The following PPM1H variants were observed in gnomAD, a reference collection of about 807,000 sequenced individuals.
PPM1H encodes protein phosphatase, Mg2+/Mn2+ dependent 1H.
A neutral mutation model predicts 54.9 loss-of-function variants in PPM1H; 27 were observed. That is an observed-to-expected ratio of 0.49 (90% CI 0.36 to 0.68). The LOEUF (loss-of-function observed/expected upper bound fraction) is 0.68. Among genes scored for constraint, PPM1H ranks in the 30% least tolerant of loss-of-function variants. The probability of loss-of-function intolerance (pLI) is 0.00; values close to 1 mark genes in which losing one functional copy is unlikely to be tolerated. For synonymous variants in PPM1H, 305 were observed against 270.8 expected, an observed-to-expected ratio of 1.13 and a Z score of -1.24; for missense variants, 596 against 667.8, an observed-to-expected ratio of 0.89 and a Z score of 1.19.
At chr12:62,818,880 G>C (rs1300069775) in intron 2 of PPM1H, among the ~76,000 whole-genome samples, 1 of 149,844 alleles carries the variant, frequency 6.7e-6, no homozygotes, top group Non-Finnish European at 1.5e-5. Flanking sequence ...GAGTGCAGTG[G>C]TGTGATCTTG....
intron 1 of PPM1H, among the ~76,000 whole-genome samples, chr12:62,923,083 GC>G (rs5798666): frequency 0.47 from 71,941 of 151,990 alleles, 17,733 homozygotes; most frequent in Admixed American, 0.57. Context: ...GTCTGAGGTG[GC>G]CCCTTCCATG....
At chr12:62,689,929 C>T (rs1197044269) in intron 7 of PPM1H, 123 bp from the exon 8 acceptor site, 5 of 603,822 alleles carry the variant, frequency 8.3e-6, no homozygotes, top group African/African-American at 7.4e-5. Flanking sequence ...AGATATGTTT[C>T]CAGGCCCCTT....
At chr12:62,931,916 T>C (rs1872147834) in intron 1 of PPM1H, among the ~76,000 whole-genome samples, 1 of 152,138 alleles carries the variant, frequency 6.6e-6, no homozygotes, top group African/African-American at 2.4e-5. Flanking sequence ...TTTGTGAAAA[T>C]GCTACAGAAT....
At chr12:62,754,079 A>G (rs1031798853) in intron 4 of PPM1H, among the ~76,000 whole-genome samples, 3 of 152,198 alleles carry the variant, frequency 2.0e-5, no homozygotes, top group African/African-American at 4.8e-5. Flanking sequence ...TCTGACTTCA[A>G]TGGATTATAT....
At chr12:62,676,133 C>A (rs1565752932) in intron 8 of PPM1H, among the ~76,000 whole-genome samples, 1 of 152,190 alleles carries the variant, frequency 6.6e-6, no homozygotes, top group Non-Finnish European at 1.5e-5. Context: ...TCACTCCAGG[C>A]CGTGGACTCC....
At chr12:62,821,875 A>G (rs999038786) in intron 2 of PPM1H, among the ~76,000 whole-genome samples, 2 of 152,214 alleles carry the variant, frequency 1.3e-5, no homozygotes, top group Admixed American at 1.3e-4. Context: ...ATAACCAGCT[A>G]ACATCCTAAT....
intron 4 of PPM1H, among the ~76,000 whole-genome samples, chr12:62,771,912 A>T (rs891954607): frequency 6.6e-6 from 1 of 152,174 alleles, no homozygotes; most frequent in Non-Finnish European, 1.5e-5. Flanking sequence ...ACACAGTAGG[A>T]ATGCAAATAT....
At chr12:62,686,789 C>T (rs1474536654) in intron 8 of PPM1H, among the ~76,000 whole-genome samples, 1 of 152,156 alleles carries the variant, frequency 6.6e-6, no homozygotes, top group Non-Finnish European at 1.5e-5. Context: ...TCTTCCATGC[C>T]CAACATTTAC....
At chr12:62,708,881 C>T (rs982357048) in intron 6 of PPM1H, among the ~76,000 whole-genome samples, 7 of 152,154 alleles carry the variant, frequency 4.6e-5, no homozygotes, top group Non-Finnish European at 1.0e-4. Context: ...TCCCTCTTCT[C>T]CTAGTAGTCC....
At chr12:62,659,269 C>CAGAAAAAAAAAAAAAAAAAAAAAA (rs2075867019) in intron 9 of PPM1H, 1 of 90,798 alleles carries the variant, frequency 1.1e-5, no homozygotes, top group Non-Finnish European at 2.1e-5. Flanking sequence ...GTAAAAACTG[C>CAGAAAAAAAAAAAAAAAAAAAAAA]AAAAAAAAAA....
chr12:62,875,336 A>T (rs535600340), intron 1 of PPM1H, among the ~76,000 whole-genome samples: 29 of 152,304 alleles, frequency 1.9e-4, no homozygotes, highest in African/African-American at 6.0e-4. Flanking sequence ...GAGTGTTGCT[A>T]TGGAAACCAG....
intron 7 of PPM1H, among the ~76,000 whole-genome samples, chr12:62,690,311 T>TA (rs1419850046): frequency 6.6e-6 from 1 of 152,252 alleles, no homozygotes; most frequent in East Asian, 1.9e-4. Flanking sequence ...GTAAAAGGTG[T>TA]AAAAAATCAG....
intron 4 of PPM1H, among the ~76,000 whole-genome samples, chr12:62,747,030 C>A (rs565136726): frequency 3.3e-5 from 5 of 152,318 alleles, no homozygotes; most frequent in African/African-American, 1.2e-4. Context: ...TGGCTCACTG[C>A]AGCTCTGGCC....
chr12:62,755,451 C>T, intron 4 of PPM1H: 1 of 691,836 alleles, frequency 1.4e-6, no homozygotes, highest in Non-Finnish European at 2.7e-6. Context: ...CTATCACCAT[C>T]TTCCAGGAGC....
intron 6 of PPM1H, among the ~76,000 whole-genome samples, chr12:62,716,359 T>A (rs1385762606): frequency 1.3e-5 from 2 of 152,172 alleles, no homozygotes; most frequent in Non-Finnish European, 2.9e-5. Context: ...ACAGGACTGT[T>A]TTAAGCGTTA....
At chr12:62,808,508 C>T (rs1008297034) in intron 2 of PPM1H, among the ~76,000 whole-genome samples, 11 of 152,134 alleles carry the variant, frequency 7.2e-5, no homozygotes, top group African/African-American at 2.2e-4. Context: ...TTTTATGAGT[C>T]TAACAGCCTG....
intron 4 of PPM1H, among the ~76,000 whole-genome samples, chr12:62,742,578 G>A (rs974768946): frequency 3.2e-4 from 49 of 152,198 alleles, no homozygotes; most frequent in African/African-American, 9.4e-4. Context: ...TGTCATCACA[G>A]GACCCCTGTA....
chr12:62,783,196 T>A (rs1565787270), intron 4 of PPM1H, among the ~76,000 whole-genome samples: 1 of 152,182 alleles, frequency 6.6e-6, no homozygotes. Context: ...GGAGCTCTCA[T>A]GTTGAGAAAA....
intron 9 of PPM1H, among the ~76,000 whole-genome samples, chr12:62,649,402 GA>G (rs1345705090): frequency 1.3e-5 from 2 of 152,136 alleles, no homozygotes; most frequent in African/African-American, 4.8e-5. Context: ...AAGCTGATGG[GA>G]AAGTATTAAC....
Sources: allele counts gnomAD v4.1 joint callset (sites outside exome capture counted in the v4.1 genomes callset), GRCh38; gene constraint gnomAD v4.1.1; transcripts MANE v1.5; gene names NCBI Gene and HGNC (gene_info 2026-07-23, HGNC 2026-07-21).